PRSS3: variants seen among roughly 807,000 people sequenced by gnomAD.
PRSS3 encodes serine protease 3, also known as trypsin-3.
In PRSS3, 14 loss-of-function variants were observed where a neutral mutation model predicts 20.8. The observed-to-expected ratio is 0.67, with a 90% CI of 0.44 to 1.05. The LOEUF is 1.05. Among genes scored for constraint, PRSS3 ranks in the 50% least tolerant of loss-of-function variants. The pLI is 0.00. For synonymous variants in PRSS3, 91 were observed against 117.6 expected, an observed-to-expected ratio of 0.77 and a Z score of 1.46; for missense variants, 237 against 306.4, an observed-to-expected ratio of 0.77 and a Z score of 1.69.
chr9:33,761,944 T>C (rs1823228815), intron 1 of PRSS3: 1 of 152,170 alleles, frequency 6.6e-6, no homozygotes, highest in Non-Finnish European at 1.5e-5. Flanking sequence ...CGTCTGTTAT[T>C]AACCAAAATG....
At chr9:33,757,843 C>T (rs987436873) in intron 1 of PRSS3, among the ~76,000 whole-genome samples, 1 of 152,132 alleles carries the variant, frequency 6.6e-6, no homozygotes, top group Non-Finnish European at 1.5e-5. Flanking sequence ...TTTATGTCAC[C>T]ACCTCTTGGA....
At chr9:33,763,399 G>T (rs1056240100) in intron 1 of PRSS3, among the ~76,000 whole-genome samples, 1 of 152,176 alleles carries the variant, frequency 6.6e-6, no homozygotes, top group African/African-American at 2.4e-5. Flanking sequence ...ATGTGGTTTT[G>T]CTTGCTAAAG....
rs577720097 is a variant in PRSS3, at chr9:33,757,669, C to T, written c.-53+6942C>T. 5.9e-5 allele frequency among the ~76,000 whole-genome samples: 9 copies of T among 152,258 alleles called. No homozygotes were observed. The East Asian group carries it at 9.7e-4, about 16-fold the overall frequency. Reference sequence around the variant, plus strand: ...AAAGACTGCAAACTCCCTGACAGCACGGGCCCAGGCTTGTCACCTCTGCAA... The same window carrying T: ...AAAGACTGCAAACTCCCTGACAGCATGGGCCCAGGCTTGTCACCTCTGCAA... On this transcript the variant is annotated intron_variant, in intron 1 of 5. Coordinates refer to the PRSS3 transcript ENST00000342836.
At chr9:33,780,989 T>TA (rs1449702497) in intron 1 of PRSS3, among the ~76,000 whole-genome samples, 2 of 152,130 alleles carry the variant, frequency 1.3e-5, no homozygotes, top group Non-Finnish European at 2.9e-5. Flanking sequence ...GGCAGAAAAC[T>TA]AACAAAGAAA....
At chr9:33,775,459 C>T (rs1315615302) in intron 1 of PRSS3, among the ~76,000 whole-genome samples, 1 of 151,662 alleles carries the variant, frequency 6.6e-6, no homozygotes, top group Non-Finnish European at 1.5e-5. Flanking sequence ...TGCAGCCCCA[C>T]TTGGGGCAAG....
In PRSS3 at chr9:33,796,621, T is replaced by TC. The variant is rs752209120; in HGVS notation, c.41-19dup. The TC allele has an allele frequency of 1.2e-5, 20 of 1,613,732 alleles. No homozygotes were observed. The African/African-American group carries it at 2.5e-4, about 20-fold the overall frequency. On this transcript the variant is annotated intron_variant, in intron 1 of 4. Coordinates refer to ENST00000379405, the MANE Select transcript of PRSS3 (RefSeq NM_002771.4). ...CCTAACATGCTACTGACTTGCCTTC[T>TC]CCCTTCCTATTTCCACTCCAGTTGC...
chr9:33,775,766 G>A (rs1392500866), intron 1 of PRSS3, among the ~76,000 whole-genome samples: 3 of 146,670 alleles, frequency 2.0e-5, no homozygotes, highest in Non-Finnish European at 4.5e-5. Context: ...GCAGTGGCAC[G>A]ATCTCAGTTC....
At chr9:33,797,105 G>A (rs796072200) in intron 2 of PRSS3, among the ~76,000 whole-genome samples, 1 of 152,164 alleles carries the variant, frequency 6.6e-6, no homozygotes, top group Non-Finnish European at 1.5e-5. Flanking sequence ...AAATACTGAT[G>A]CCTGTGTCCT....
intron 1 of PRSS3, among the ~76,000 whole-genome samples, chr9:33,787,297 T>C (rs538167763): frequency 1.7e-4 from 26 of 152,296 alleles, no homozygotes; most frequent in African/African-American, 6.3e-4. Flanking sequence ...TCTCCGTGGA[T>C]AGGAATTATA....
At chr9:33,789,873 A>C (rs1479068354) in intron 1 of PRSS3, among the ~76,000 whole-genome samples, 1 of 152,220 alleles carries the variant, frequency 6.6e-6, no homozygotes, top group East Asian at 1.9e-4. Context: ...CTTTAACACT[A>C]GGTGTAACCT....
chr9:33,793,413 A>C (rs1824728891), upstream of PRSS3, among the ~76,000 whole-genome samples: 1 of 152,202 alleles, frequency 6.6e-6, no homozygotes, highest in South Asian at 2.1e-4. Context: ...CCATATTATC[A>C]ATGCTCCAAA....
intron 1 of PRSS3, among the ~76,000 whole-genome samples, chr9:33,773,509 A>G (rs1823792569): frequency 1.3e-5 from 2 of 152,220 alleles, no homozygotes; most frequent in South Asian, 2.1e-4. Context: ...AGTGAAAGGC[A>G]AAGTTACTAC....
chr9:33,767,686 G>A (rs188031646), intron 1 of PRSS3, among the ~76,000 whole-genome samples: 209 of 152,212 alleles, frequency 1.4e-3, no homozygotes, highest in Non-Finnish European at 2.4e-3. Context: ...TTAGCCAGGC[G>A]TGGTTGCAGA....
upstream of PRSS3, among the ~76,000 whole-genome samples, chr9:33,792,769 A>G (rs757513697): frequency 7.0e-4 from 106 of 152,238 alleles, no homozygotes; most frequent in Non-Finnish European, 2.9e-4. Flanking sequence ...CTTAACTTAT[A>G]TGAGTTACAT....
chr9:33,768,121 G>A (rs1294404471), intron 1 of PRSS3, among the ~76,000 whole-genome samples: 1 of 152,220 alleles, frequency 6.6e-6, no homozygotes, highest in Non-Finnish European at 1.5e-5. Context: ...GTGAGTAAGG[G>A]CTGGAAGAGT....
At chr9:33,772,240 A>G (rs556512143) in intron 1 of PRSS3, among the ~76,000 whole-genome samples, 6 of 152,298 alleles carry the variant, frequency 3.9e-5, no homozygotes, top group African/African-American at 1.4e-4. Context: ...AATAACAGAA[A>G]GAAGGCAGCC....
At chr9:33,771,645 G>GTTTTTTTTTTTTTTTT (rs112204565) in intron 1 of PRSS3, among the ~76,000 whole-genome samples, 1 of 78,702 alleles carries the variant, frequency 1.3e-5, no homozygotes. Context: ...TTGTTTTTTT[G>GTTTTTTTTTTTTTTTT]TTTTTTTTTT....
chr9:33,775,394 G>GGAAT (rs1823877035), intron 1 of PRSS3, among the ~76,000 whole-genome samples: 1 of 152,194 alleles, frequency 6.6e-6, no homozygotes, highest in Admixed American at 6.5e-5. Context: ...GCTTAACATG[G>GGAAT]GAATGAACAC....
At chr9:33,770,027 C>T (rs1033149108) in intron 1 of PRSS3, among the ~76,000 whole-genome samples, 3 of 152,162 alleles carry the variant, frequency 2.0e-5, no homozygotes, top group African/African-American at 7.2e-5. Flanking sequence ...TGCCTGTAAT[C>T]CCAGCTACTT....
Sources: allele counts gnomAD v4.1 joint callset (sites outside exome capture counted in the v4.1 genomes callset), GRCh38; gene constraint gnomAD v4.1.1; transcripts MANE v1.5; gene names NCBI Gene and HGNC (gene_info 2026-07-23, HGNC 2026-07-21).